The following ALK variants were observed in gnomAD, a reference collection of about 807,000 sequenced individuals.
ALK encodes ALK receptor tyrosine kinase.
A neutral mutation model predicts 163.1 loss-of-function variants in ALK; 74 were observed. The observed-to-expected ratio is 0.45, with a 90% CI of 0.38 to 0.55. ALK has a LOEUF of 0.55. Among genes scored for constraint, ALK ranks in the 20% least tolerant of loss-of-function variants. The pLI, the probability that ALK is intolerant of heterozygous loss-of-function variation, is 0.00. For missense variants in ALK, 2,063 were observed against 2,105.3 expected (o/e 0.98, Z 0.39); for synonymous variants, 960 against 843.2 (o/e 1.14, Z -2.40).
Position 29,899,013 on chromosome 2 carries a change from C to T in ALK, c.667+20980G>A, listed in dbSNP as rs146327411. ...TTGGGGCTTCTAGGTACTTCAGGGG[C>T]CTGGGAGATGATTGCTGAATAGTTC... is the stretch of plus-strand genomic sequence containing the variant. On this transcript the variant is annotated intron_variant, in intron 1 of 28. Coordinates refer to ENST00000389048, the MANE Select transcript of ALK (RefSeq NM_004304.5). Among the ~76,000 whole-genome samples, 18 of 152,180 alleles carry T rather than the reference C, an allele frequency of 1.2e-4. No homozygotes were observed. The East Asian group carries it at 3.5e-3, about 29-fold the overall frequency.
At chr2:29,647,118 GC>G (rs1304253459) in intron 3 of ALK, among the ~76,000 whole-genome samples, 4 of 152,128 alleles carry the variant, frequency 2.6e-5, no homozygotes, top group Admixed American at 2.6e-4. Flanking sequence ...ATTCTTCTGG[GC>G]TTGGCAAAAT....
intron 3 of ALK, among the ~76,000 whole-genome samples, chr2:29,572,870 C>T (rs557916836): frequency 6.3e-4 from 96 of 152,290 alleles, no homozygotes; most frequent in African/African-American, 2.2e-3. Flanking sequence ...TGCATTCCTT[C>T]ACGCAGCCCT....
At chr2:29,719,211 T>C (rs1318968233) in intron 1 of ALK, among the ~76,000 whole-genome samples, 1 of 152,252 alleles carries the variant, frequency 6.6e-6, no homozygotes, top group African/African-American at 2.4e-5. Context: ...CTGCTTTCCA[T>C]AGCTCTGAGT....
intron 1 of ALK, among the ~76,000 whole-genome samples, chr2:29,860,070 AG>A (rs1666241320): frequency 6.6e-6 from 1 of 152,186 alleles, no homozygotes; most frequent in African/African-American, 2.4e-5. Flanking sequence ...TCAAGAGGGT[AG>A]GGTTAAGCAA....
intron 9 of ALK, among the ~76,000 whole-genome samples, chr2:29,277,858 G>C (rs932971336): frequency 6.6e-6 from 1 of 152,212 alleles, no homozygotes; most frequent in Admixed American, 6.5e-5. Context: ...TTCCAACCTT[G>C]ATACACACCT....
chr2:29,669,607 A>G (rs1224603321), intron 3 of ALK, among the ~76,000 whole-genome samples: 3 of 152,040 alleles, frequency 2.0e-5, no homozygotes, highest in Admixed American at 1.3e-4. Flanking sequence ...TAGTGTTATT[A>G]TTGATAATAA....
intron 3 of ALK, among the ~76,000 whole-genome samples, chr2:29,656,816 T>C (rs1211582217): frequency 2.0e-5 from 3 of 152,142 alleles, no homozygotes; most frequent in Non-Finnish European, 4.4e-5. Flanking sequence ...GAAGCTCCCA[T>C]CACAGACTTC....
At chr2:29,801,123 A>C (rs894241897) in intron 1 of ALK, among the ~76,000 whole-genome samples, 2 of 152,342 alleles carry the variant, frequency 1.3e-5, no homozygotes, top group Admixed American at 1.3e-4. Context: ...CATGAGGCCC[A>C]GGAATATGCT....
At chr2:29,631,690 G>A (rs1009291159) in intron 3 of ALK, among the ~76,000 whole-genome samples, 2 of 152,248 alleles carry the variant, frequency 1.3e-5, no homozygotes, top group Admixed American at 6.5e-5. Flanking sequence ...GAATGTGAAG[G>A]TTTTCTGAAA....
chr2:29,391,655 C>T (rs200971970), intron 4 of ALK, among the ~76,000 whole-genome samples: 1 of 151,984 alleles, frequency 6.6e-6, no homozygotes, highest in Non-Finnish European at 1.5e-5. Flanking sequence ...TTCTCTCCTC[C>T]CTTGTTCCCT....
At chr2:29,819,979 A>G (rs1665005196) in intron 1 of ALK, among the ~76,000 whole-genome samples, 1 of 152,214 alleles carries the variant, frequency 6.6e-6, no homozygotes, top group Admixed American at 6.5e-5. Flanking sequence ...ATCTATCCCT[A>G]AGACTGGGGT....
At chr2:29,630,577 G>A (rs1193055569) in intron 3 of ALK, among the ~76,000 whole-genome samples, 1 of 151,896 alleles carries the variant, frequency 6.6e-6, no homozygotes, top group African/African-American at 2.4e-5. Context: ...AGTGTATTAG[G>A]TATTTATAAT....
intron 4 of ALK, among the ~76,000 whole-genome samples, chr2:29,391,483 T>C (rs2148307579): frequency 6.6e-6 from 1 of 152,234 alleles, no homozygotes; most frequent in East Asian, 1.9e-4. Flanking sequence ...GTATTTTTAG[T>C]CAAGATGGGG....
intron 11 of ALK, among the ~76,000 whole-genome samples, chr2:29,274,336 G>A (rs541681616): frequency 2.4e-4 from 37 of 152,368 alleles, no homozygotes; most frequent in Non-Finnish European, 4.7e-4. Context: ...AGGAAAAAGA[G>A]TGTGGGTAGA....
At chr2:29,442,851 G>A (rs1016809404) in intron 4 of ALK, among the ~76,000 whole-genome samples, 1 of 152,194 alleles carries the variant, frequency 6.6e-6, no homozygotes, top group African/African-American at 2.4e-5. Flanking sequence ...TAAAAACATA[G>A]TGTTAGACAA....
chr2:29,503,042 C>T (rs12617691), intron 4 of ALK, among the ~76,000 whole-genome samples: 33,187 of 152,158 alleles, frequency 0.22, 3,825 homozygotes, highest in East Asian at 0.3. Flanking sequence ...AGTATGAAGA[C>T]GTGGAACTCT....
At chr2:29,763,759 G>A (rs1395539035) in intron 1 of ALK, among the ~76,000 whole-genome samples, 3 of 152,156 alleles carry the variant, frequency 2.0e-5, no homozygotes, top group Non-Finnish European at 2.9e-5. Context: ...AGGCCCCTGA[G>A]ATTCCTGAAA....
rs1664051981 is a variant in ALK at position 29,227,746 on chromosome 2, G to C, written c.2816-74C>G. 1 of 1,240,040 alleles carries C rather than the reference G, an allele frequency of 8.1e-7. No individual in the cohort carries two copies. The highest frequency in any genetic ancestry group is 1.2e-6 in the Non-Finnish European group (1 of 842,394). The allele number at this position is 1,240,040 out of a possible 1,614,324, so 76.8% of individuals were successfully genotyped here. On this transcript the variant is annotated intron_variant, in intron 16 of 28. Transcript: ENST00000389048. This position sits in a 1 kb window ranked among gnomAD's most constrained non-coding sequence, Gnocchi z 4.4. The stretch of plus-strand genomic sequence containing the variant: ...ATCTTAACACACACACACGTCAGTG[G>C]GGCATGCAGCTCTGGCCAAAGTTAG...
chr2:29,408,674 A>T (rs1423618193), intron 4 of ALK, among the ~76,000 whole-genome samples: 1 of 152,222 alleles, frequency 6.6e-6, no homozygotes, highest in Non-Finnish European at 1.5e-5. Flanking sequence ...TGCGCTGATG[A>T]TCTTGATCAA....
Sources: gnomAD v4.1 joint callset for allele counts (sites outside exome capture counted in the v4.1 genomes callset) on GRCh38, gnomAD v4.1.1 for gene constraint, Gnocchi (gnomAD v3.1) non-coding constraint, MANE v1.5 for transcripts, NCBI Gene and HGNC (gene_info 2026-07-23, HGNC 2026-07-21) for gene names.